Variants in FNBP4 observed in about 807,000 individuals in gnomAD.
FNBP4 encodes the protein formin-binding protein 4.
FNBP4 carries 34 observed loss-of-function variants against 119.3 expected under a neutral mutation model. The observed-to-expected ratio is 0.28, with a 90% CI of 0.22 to 0.38. FNBP4 has a LOEUF of 0.38. FNBP4 is among the 10% of genes least tolerant of loss of function. The probability of loss-of-function intolerance (pLI) is 1.00; values close to 1 mark genes in which losing one functional copy is unlikely to be tolerated. For missense variants in FNBP4, 1,112 were observed against 1,228.9 expected, an observed-to-expected ratio of 0.90 and a Z score of 1.42; for synonymous variants, 462 against 430.6, an observed-to-expected ratio of 1.07 and a Z score of -0.90.
rs1167598412 is a variant in FNBP4 at position 47,734,159 on chromosome 11, C to A, written c.1582-30G>T. ...AATGCAAAAAAGAAAAAAAGTAAAA[C>A]TAGAATCCGTAACATTTTCTGTATT... On this transcript the variant is annotated intron_variant, in intron 9 of 16. Transcript: ENST00000263773. The A allele has an allele frequency of 3.2e-6, 4 of 1,257,726 alleles. No homozygotes were observed. In the East Asian group the frequency reaches 9.4e-5, roughly 29 times the overall value. 77.9% of individuals were successfully genotyped at this position (1,257,726 alleles called of 1,614,324 possible).
intron 9 of FNBP4, among the ~76,000 whole-genome samples, chr11:47,736,026 C>T (rs561564205): frequency 3.3e-5 from 5 of 151,632 alleles, no homozygotes; most frequent in Admixed American, 1.3e-4. Context: ...TGCAGTGAGC[C>T]GAGATCATGC....
Position 47,752,911 on chromosome 11 carries a change from T to A in FNBP4, c.637+5A>T, listed in dbSNP as rs761127678. ...TTTCTTTAAAAATCAAAGGATCAAG[T>A]TTACCTCCTGCCAGTGAACACTGAG... On this transcript the variant is annotated splice_donor_5th_base_variant and intron_variant, in intron 4 of 16. Transcript: ENST00000263773. The A allele has an allele frequency of 1.2e-5, 19 of 1,606,624 alleles. No individual in the cohort carries two copies. In the South Asian group the frequency reaches 2.1e-4, roughly 18 times the overall value.
intron 6 of FNBP4, 49 bp downstream of exon 6, chr11:47,750,866 AC>A: frequency 1.3e-6 from 2 of 1,598,566 alleles, no homozygotes; most frequent in East Asian, 4.5e-5. Flanking sequence ...GCTCAGAGTA[AC>A]GCTTATTAGA....
rs146583253 is a variant in FNBP4 at position 47,728,028 on chromosome 11, G to A, written c.2009-3250C>T. On this transcript the variant is annotated intron_variant, in intron 12 of 16. Transcript: ENST00000263773. ...CGAGTAGCTAGGATTACAGGCATGC[G>A]ACCACGCCTGGCTAATTTTGTATTT... 3.2e-3 allele frequency among the ~76,000 whole-genome samples: 481 copies of A among 151,740 alleles called. 8 individuals carry two copies. Among genetic ancestry groups the A allele is most frequent in the Admixed American group, 0.021 (318 of 15,236 alleles).
chr11:47,735,956 T>C (rs1334671287), intron 9 of FNBP4, among the ~76,000 whole-genome samples: 3 of 152,016 alleles, frequency 2.0e-5, no homozygotes, highest in Non-Finnish European at 4.4e-5. Context: ...CGGGCACCTG[T>C]AGTCCCAGCT....
Position 47,767,111 on chromosome 11 carries a change from CGGT to C in FNBP4, c.175_177del (p.Thr59del), listed in dbSNP as rs67450550. ...TCCGAGGCCGCGGCGGCAGTCACCG[CGGT>C]GGTGGTGGTCGTCGCCGCCGACGGG... On this transcript the variant is annotated inframe_deletion, in exon 1 of 17. Transcript: ENST00000263773. 2 of 1,537,790 alleles carry C rather than the reference CGGT, an allele frequency of 1.3e-6. No individual in the cohort carries two copies. The highest frequency in any genetic ancestry group is 8.7e-7 in the Non-Finnish European group (1 of 1,147,766).
At chr11:47,757,554 C>T (rs1032279810) in intron 2 of FNBP4, among the ~76,000 whole-genome samples, 10 of 151,224 alleles carry the variant, frequency 6.6e-5, no homozygotes, top group East Asian at 5.9e-4. Flanking sequence ...AGTGCAGTGG[C>T]GCAATCTTGG....
rs192230814 is a variant in FNBP4 at position 47,761,396 on chromosome 11, C to T, written c.313+3874G>A. ...GATTACAAGGTCAGGAGTTCAAGAC[C>T]AGCCTGGCCAAGATGCTGAAACCCT... On this transcript the variant is annotated intron_variant, in intron 2 of 16. Coordinates refer to ENST00000263773, the MANE Select transcript of FNBP4 (RefSeq NM_015308.5). 2.9e-3 allele frequency among the ~76,000 whole-genome samples: 442 copies of T among 152,206 alleles called. 3 individuals carry two copies. The highest frequency in any genetic ancestry group is 3.4e-3 in the Middle Eastern group (1 of 294).
chr11:47,719,091 T>C (rs1283875663), intron 16 of FNBP4, among the ~76,000 whole-genome samples: 1 of 152,114 alleles, frequency 6.6e-6, no homozygotes, highest in Admixed American at 6.5e-5. Flanking sequence ...GGTTTCACCA[T>C]GTTGGCCAGG....
At chr11:47,721,848 G>A (rs1198203727) in intron 15 of FNBP4, among the ~76,000 whole-genome samples, 6 of 146,244 alleles carry the variant, frequency 4.1e-5, no homozygotes, top group Non-Finnish European at 4.5e-5. Context: ...CCTTTATCTC[G>A]TCTCCTCAGA....
intron 2 of FNBP4, among the ~76,000 whole-genome samples, chr11:47,764,148 C>T (rs187585267): frequency 3.9e-5 from 6 of 152,274 alleles, no homozygotes; most frequent in Non-Finnish European, 7.3e-5. Flanking sequence ...CAGGTTCTTA[C>T]GGTCGCCCAG....
At chr11:47,762,930 G>GTC (rs1324822256) in intron 2 of FNBP4, among the ~76,000 whole-genome samples, 1 of 66,926 alleles carries the variant, frequency 1.5e-5, no homozygotes, top group Non-Finnish European at 4.5e-5. Context: ...AAAAAAAAGA[G>GTC]TCTCTCTGCT....
At chr11:47,745,978 G>T in intron 7 of FNBP4, 78 bp downstream of exon 7, 2 of 1,245,694 alleles carry the variant, frequency 1.6e-6, no homozygotes, top group Non-Finnish European at 2.2e-6. Flanking sequence ...CCCAATAATG[G>T]TTGTAAGTCA....
At chr11:47,765,580 GGGC>G (rs1342016005) in intron 1 of FNBP4, among the ~76,000 whole-genome samples, 1,328 of 76,740 alleles carry the variant, frequency 0.017, 62 homozygotes, top group African/African-American at 0.022. Context: ...GGGGGGGGGG[GGGC>G]CACTTGAGGT....
At chr11:47,760,402 CA>C (rs1451162806) in intron 2 of FNBP4, among the ~76,000 whole-genome samples, 1 of 150,586 alleles carries the variant, frequency 6.6e-6, no homozygotes, top group Non-Finnish European at 1.5e-5. Flanking sequence ...GTTGGGATTA[CA>C]AGTGCGTGCC....
chr11:47,747,450 C>T (rs371719243), intron 6 of FNBP4, among the ~76,000 whole-genome samples: 29 of 151,868 alleles, frequency 1.9e-4, no homozygotes, highest in African/African-American at 5.3e-4. Flanking sequence ...TCAGGTGATC[C>T]GCCCACCTTG....
At chr11:47,722,144 G>GTTTTTTT (rs57726690) in intron 15 of FNBP4, among the ~76,000 whole-genome samples, 1 of 133,570 alleles carries the variant, frequency 7.5e-6, no homozygotes, top group Non-Finnish European at 1.6e-5. Flanking sequence ...AAAGCAGAGG[G>GTTTTTTT]TTTTTTTTTT....
chr11:47,750,899 T>A lies in FNBP4; in HGVS notation c.906+17A>T. ...TAGATCTGAAAATAAACAAATGAGGTAAGTTTCGACACTGACCTTTTTAAC... is the reference window on the plus strand; with the variant it reads ...TAGATCTGAAAATAAACAAATGAGGAAAGTTTCGACACTGACCTTTTTAAC... On this transcript the variant is annotated intron_variant, in intron 6 of 16. Transcript: ENST00000263773. 6.2e-7 allele frequency: 1 copy of A among 1,612,564 alleles called. No homozygotes were observed. Among genetic ancestry groups the A allele is most frequent in the South Asian group, 1.1e-5 (1 of 90,850 alleles).
At position 47,724,704 on chromosome 11, in the gene FNBP4, G is replaced by A. The variant is rs749127617; in HGVS notation, c.2083C>T (p.Leu695Phe). Reference protein sequence around the residue: ...SLMPLTPFWTLLQSNVPVLQP... With the variant: ...SLMPLTPFWTFLQSNVPVLQP... ...AGCACAGGAACATTTGACTGAAGGAGGGTCCAGAATGGAGTAAGTGGCATG... is the reference window on the plus strand; with the variant it reads ...AGCACAGGAACATTTGACTGAAGGAAGGTCCAGAATGGAGTAAGTGGCATG... The change falls in exon 13 of 17, where the codon CTC becomes TTC. Residue 695 changes from leucine to phenylalanine, a missense_variant. This residue lies in a region of FNBP4 where 826 missense variants were observed against 988.8 expected (regional missense o/e 0.84). Transcript: ENST00000263773. 3 of 1,613,690 alleles carry A rather than the reference G, an allele frequency of 1.9e-6. No individual in the cohort carries two copies. The highest frequency in any genetic ancestry group is 1.6e-4 in the Middle Eastern group (1 of 6,062).
Sources: gnomAD v4.1 joint callset for allele counts (sites outside exome capture counted in the v4.1 genomes callset) on GRCh38, gnomAD v4.1.1 for gene constraint, gnomAD v4.1.1 regional missense constraint, MANE v1.5 for transcripts, NCBI Gene and HGNC (gene_info 2026-07-23, HGNC 2026-07-21) for gene names.